The following GPR89B variants were observed in gnomAD, a reference collection of about 807,000 sequenced individuals.
GPR89B encodes golgi pH regulator B, also known as G protein-coupled receptor 89B.
Under a neutral mutation model 52.4 loss-of-function variants are expected in GPR89B, and 25 were observed. That is an observed-to-expected ratio of 0.48 (90% CI 0.35 to 0.67). The LOEUF (loss-of-function observed/expected upper bound fraction) is 0.67, where lower values mean the gene tolerates loss of function less well. Ranked by LOEUF, GPR89B falls within the 30% of genes least tolerant of loss-of-function variation. The probability of loss-of-function intolerance (pLI) is 0.01; values close to 1 mark genes in which losing one functional copy is unlikely to be tolerated. For missense variants in GPR89B, 146 were observed against 450.2 expected (o/e 0.32, Z 6.11); for synonymous variants, 52 against 151.2 (o/e 0.34, Z 4.81).
chr1:147,993,840 C>G (rs1291645617), downstream of GPR89B: 1 of 153,734 alleles, frequency 6.5e-6, no homozygotes, highest in East Asian at 1.9e-4. Context: ...AAAGCACTAT[C>G]AAGCATACTC....
chr1:147,983,310 G>A (rs1403990838), intron 10 of GPR89B, among the ~76,000 whole-genome samples: 1 of 152,096 alleles, frequency 6.6e-6, no homozygotes, highest in Non-Finnish European at 1.5e-5. Flanking sequence ...GGCAACAAAA[G>A]CCAAAATTGA....
chr1:148,010,894 G>A, the GPR89B span: 1 of 152,352 alleles, frequency 6.6e-6, no homozygotes, highest in African/African-American at 2.4e-5. Context: ...ACTTGATAAT[G>A]TTGCCTGACA....
rs587692633 is a variant in GPR89B, at chr1:147,940,188, G to A, written c.206+1371G>A. On this transcript the variant is annotated intron_variant, in intron 3 of 13. Transcript: ENST00000314163. The stretch of plus-strand genomic sequence containing the variant: ...GGAGGCCAAGGCGGGCGGATCACGA[G>A]GTCAGGAGATCAAGACCATCCTGGC... Among the ~76,000 whole-genome samples, 7 of 152,096 alleles carry A rather than the reference G, an allele frequency of 4.6e-5. 1 individual carries two copies. The highest frequency in any genetic ancestry group is 1.0e-4 in the Non-Finnish European group (7 of 67,924).
chr1:147,945,479 C>G (rs2149046461), intron 5 of GPR89B, among the ~76,000 whole-genome samples: 1 of 152,320 alleles, frequency 6.6e-6, no homozygotes, highest in South Asian at 2.1e-4. Flanking sequence ...TTATGAGACT[C>G]TCCTGCAGTA....
At chr1:147,968,312 A>G in intron 8 of GPR89B, 1 of 453,926 alleles carries the variant, frequency 2.2e-6, no homozygotes, top group East Asian at 6.9e-5. Flanking sequence ...GACTTTGAGC[A>G]AGTTATTTAA....
At chr1:147,988,322 G>C in intron 11 of GPR89B, 110 bp from the exon 12 acceptor site, 2 of 1,427,218 alleles carry the variant, frequency 1.4e-6, no homozygotes, top group Non-Finnish European at 2.0e-6. Context: ...AATCAGGTAG[G>C]GTCTAATAAA....
chr1:148,001,569 TA>T, the GPR89B span: 2 of 875,844 alleles, frequency 2.3e-6, no homozygotes, highest in Non-Finnish European at 3.7e-6. Flanking sequence ...CCTAAAAAAA[TA>T]AAACAGATTT....
chr1:148,019,319 A>G, the GPR89B span, among the ~76,000 whole-genome samples: 1 of 151,408 alleles, frequency 6.6e-6, no homozygotes, highest in South Asian at 2.1e-4. Flanking sequence ...CAGAAACAGA[A>G]AACCAAACAC....
At chr1:148,012,268 C>G in the GPR89B span, 1 of 147,502 alleles carries the variant, frequency 6.8e-6, no homozygotes, top group South Asian at 2.1e-4. Context: ...AAACAGGAAT[C>G]AGGATTGGGG....
chr1:147,993,800 G>A (rs1659241904), downstream of GPR89B: 2 of 149,962 alleles, frequency 1.3e-5, no homozygotes, highest in East Asian at 1.9e-4. Flanking sequence ...GGCAAATGAA[G>A]GTTAAAGCAT....
chr1:147,946,968 C>T (rs1374683627), intron 5 of GPR89B, among the ~76,000 whole-genome samples: 2 of 152,032 alleles, frequency 1.3e-5, no homozygotes, highest in African/African-American at 2.4e-5. Flanking sequence ...AAGCAACCAG[C>T]CTTACACTGC....
rs371529855 is a variant in GPR89B, at chr1:147,938,746, C to T, written c.135C>T (p.Ser45=). The change falls in exon 3 of 14, where the codon TCC becomes TCT. Residue 45 remains serine (S), a synonymous_variant. Transcript: ENST00000314163. ...IRQYVVQVIF[S]VTFAFSCTMF... is the part of the protein sequence containing the mutation. Reference sequence around the variant, plus strand: ...AGTATGTTGTACAGGTGATCTTCTCCGTGACGTTTGCATTTTCTTGCACCA... The same window carrying T: ...AGTATGTTGTACAGGTGATCTTCTCTGTGACGTTTGCATTTTCTTGCACCA... The T allele has an allele frequency of 5.1e-5, 81 of 1,588,098 alleles. 1 individual carries two copies. The highest frequency in any genetic ancestry group is 4.4e-5 in the African/African-American group (3 of 68,934).
chr1:148,009,207 G>A, the GPR89B span: 14 of 786,280 alleles, frequency 1.8e-5, no homozygotes, highest in South Asian at 1.6e-4. Flanking sequence ...GACGGAGGGA[G>A]GCAAGCTGTT....
At chr1:148,016,905 G>A in the GPR89B span, among the ~76,000 whole-genome samples, 31 of 151,196 alleles carry the variant, frequency 2.1e-4, no homozygotes, top group African/African-American at 7.1e-4. Flanking sequence ...AATTATTCAT[G>A]GTTCCATATT....
chr1:147,934,018 C>T (rs1653872539), intron 1 of GPR89B, among the ~76,000 whole-genome samples: 1 of 151,274 alleles, frequency 6.6e-6, no homozygotes, highest in Non-Finnish European at 1.5e-5. Flanking sequence ...TTAACCTCTT[C>T]CTTCTTTGAA....
rs1259656053 is a variant in GPR89B at position 147,986,034 on chromosome 1, C to T, written c.910-165C>T. On this transcript the variant is annotated intron_variant, in intron 10 of 13. Transcript: ENST00000314163. Reference sequence around the variant, plus strand: ...TTTTGTTTGCCTATATATGAGTATCCGAAATAGATTTCCTATATATGATTT... The same window carrying T: ...TTTTGTTTGCCTATATATGAGTATCTGAAATAGATTTCCTATATATGATTT... 4.3e-3 allele frequency among the ~76,000 whole-genome samples: 658 copies of T among 152,182 alleles called. 4 individuals are homozygous for T. Among genetic ancestry groups the T allele is most frequent in the African/African-American group, 0.015 (605 of 41,528 alleles).
chr1:147,962,150 A>G (rs1656625024), intron 7 of GPR89B, among the ~76,000 whole-genome samples: 1 of 151,882 alleles, frequency 6.6e-6, no homozygotes, highest in Non-Finnish European at 1.5e-5. Context: ...ATGGCCAGGC[A>G]CGGTGGCTCA....
intron 5 of GPR89B, among the ~76,000 whole-genome samples, chr1:147,952,530 A>G (rs1553251232): frequency 6.6e-6 from 1 of 152,116 alleles, no homozygotes; most frequent in Non-Finnish European, 1.5e-5. Context: ...TGAAGCTGAC[A>G]GAATTCCTGA....
chr1:147,940,207 T>G (rs587723976), intron 3 of GPR89B, among the ~76,000 whole-genome samples: 8 of 151,876 alleles, frequency 5.3e-5, no homozygotes, highest in Admixed American at 5.2e-4. Context: ...ATCAAGACCA[T>G]CCTGGCTAAC....
Sources: allele counts gnomAD v4.1 joint callset (sites outside exome capture counted in the v4.1 genomes callset), GRCh38; gene constraint gnomAD v4.1.1; transcripts MANE v1.5; gene names NCBI Gene and HGNC (gene_info 2026-07-23, HGNC 2026-07-21).